The following RFPL1 variants were observed in gnomAD, a reference collection of about 807,000 sequenced individuals.
RFPL1 encodes the protein ret finger protein like 1.
RFPL1 carries 6 observed loss-of-function variants against 9.6 expected under a neutral mutation model. That is an observed-to-expected ratio of 0.62 (90% CI 0.34 to 1.23). RFPL1 has a LOEUF of 1.23. Ranked by LOEUF, RFPL1 falls within the 50% of genes most tolerant of loss-of-function variation. The pLI is 0.03. For missense variants in RFPL1, 352 were observed against 398.4 expected, an observed-to-expected ratio of 0.88 and a Z score of 0.99; for synonymous variants, 145 against 149.4, an observed-to-expected ratio of 0.97 and a Z score of 0.22.
At chr22:29,416,951 A>T in the RFPL1 span, among the ~76,000 whole-genome samples, 1 of 152,182 alleles carries the variant, frequency 6.6e-6, no homozygotes, top group African/African-American at 2.4e-5. Context: ...AAATTTGGTT[A>T]GAGATCAATT....
the RFPL1 span, among the ~76,000 whole-genome samples, chr22:29,421,801 G>C: frequency 6.6e-6 from 1 of 151,224 alleles, no homozygotes; most frequent in African/African-American, 2.4e-5. Context: ...GTCCCCCCTG[G>C]ACCCAGTACA....
At chr22:29,395,368 GT>G in the RFPL1 span, among the ~76,000 whole-genome samples, 1 of 152,236 alleles carries the variant, frequency 6.6e-6, no homozygotes, top group Admixed American at 6.5e-5. Flanking sequence ...GAGGCAGGAG[GT>G]GGCTTTGTCC....
the RFPL1 span, among the ~76,000 whole-genome samples, chr22:29,428,580 G>A: frequency 6.6e-6 from 1 of 152,142 alleles, no homozygotes; most frequent in Non-Finnish European, 1.5e-5. Context: ...TCTCCAGGAT[G>A]GACCACATGT....
At chr22:29,405,989 G>T in the RFPL1 span, among the ~76,000 whole-genome samples, 1 of 150,278 alleles carries the variant, frequency 6.7e-6, no homozygotes. Context: ...GGCGCCTGTA[G>T]TCCCAGCTAC....
the RFPL1 span, among the ~76,000 whole-genome samples, chr22:29,407,419 A>G: frequency 6.6e-6 from 1 of 151,950 alleles, no homozygotes; most frequent in Non-Finnish European, 1.5e-5. Context: ...TGGAAACACA[A>G]TTTTTAAAAT....
At chr22:29,419,853 A>G in the RFPL1 span, among the ~76,000 whole-genome samples, 1 of 151,946 alleles carries the variant, frequency 6.6e-6, no homozygotes, top group Non-Finnish European at 1.5e-5. Flanking sequence ...GCCACTCTGG[A>G]TTGAAGCAAC....
At chr22:29,437,798 G>C, upstream of RFPL1, 1 of 1,443,776 alleles carries the variant, frequency 6.9e-7, no homozygotes, top group East Asian at 2.5e-5. Flanking sequence ...TGCCTTGGGG[G>C]ATGAATGAGA....
upstream of RFPL1, among the ~76,000 whole-genome samples, chr22:29,434,001 T>TCACACACA (rs3216870): frequency 6.7e-6 from 1 of 149,016 alleles, no homozygotes; most frequent in African/African-American, 2.5e-5. Flanking sequence ...TGACACACAC[T>TCACACACA]CACACACACA....
At chr22:29,439,339 C>A in intron 1 of RFPL1, 175 bp downstream of exon 1, 3 of 1,034,666 alleles carry the variant, frequency 2.9e-6, no homozygotes, top group Non-Finnish European at 4.1e-6. Context: ...TGGTGATCTC[C>A]AAAAAAAAGG....
chr22:29,410,633 A>ATATCTATCTATATATAGATAGAT, the RFPL1 span, among the ~76,000 whole-genome samples: 4 of 96,938 alleles, frequency 4.1e-5, no homozygotes, highest in Non-Finnish European at 9.6e-5. Context: ...ATAGATAGAT[A>ATATCTATCTATATATAGATAGAT]TATTGTAGAT....
At chr22:29,395,138 G>A in the RFPL1 span, among the ~76,000 whole-genome samples, 2 of 151,962 alleles carry the variant, frequency 1.3e-5, no homozygotes, top group Middle Eastern at 3.2e-3. Flanking sequence ...TCCCCTCTGC[G>A]CCCACTAGAG....
At chr22:29,428,826 G>A in the RFPL1 span, among the ~76,000 whole-genome samples, 1 of 152,068 alleles carries the variant, frequency 6.6e-6, no homozygotes, top group South Asian at 2.1e-4. Context: ...CAAAATCTAT[G>A]GTGTATAATA....
At chr22:29,401,699 C>T in the RFPL1 span, among the ~76,000 whole-genome samples, 2 of 152,342 alleles carry the variant, frequency 1.3e-5, no homozygotes, top group Non-Finnish European at 2.9e-5. Context: ...TAATCAGCCC[C>T]ACTGCTTTCA....
At chr22:29,411,206 C>T in the RFPL1 span, among the ~76,000 whole-genome samples, 1 of 152,130 alleles carries the variant, frequency 6.6e-6, no homozygotes, top group African/African-American at 2.4e-5. Flanking sequence ...TATTTTATCT[C>T]ATGTAATTCT....
At chr22:29,390,634 C>CA in the RFPL1 span, among the ~76,000 whole-genome samples, 106 of 148,072 alleles carry the variant, frequency 7.2e-4, no homozygotes, top group African/African-American at 2.6e-3. Flanking sequence ...CTCGCTCCAT[C>CA]ACCCAGGCTG....
chr22:29,424,227 T>C, the RFPL1 span, among the ~76,000 whole-genome samples: 3 of 151,874 alleles, frequency 2.0e-5, no homozygotes, highest in African/African-American at 7.3e-5. Flanking sequence ...AGCTCCGCCA[T>C]TCATTCAACA....
chr22:29,403,729 A>G, the RFPL1 span, among the ~76,000 whole-genome samples: 1 of 152,264 alleles, frequency 6.6e-6, no homozygotes. Context: ...AATGACAACT[A>G]TACTGCAGTG....
chr22:29,404,877 C>G, the RFPL1 span, among the ~76,000 whole-genome samples: 38 of 152,262 alleles, frequency 2.5e-4, no homozygotes, highest in East Asian at 7.3e-3. Flanking sequence ...CAAGAGCTCA[C>G]TACCACACCT....
chr22:29,418,130 C>G, the RFPL1 span, among the ~76,000 whole-genome samples: 1 of 151,984 alleles, frequency 6.6e-6, no homozygotes, highest in Non-Finnish European at 1.5e-5. Context: ...GGGGTTTCAC[C>G]ATCTTGGCCA....
Sources: gnomAD v4.1 joint callset for allele counts (sites outside exome capture counted in the v4.1 genomes callset) on GRCh38, gnomAD v4.1.1 for gene constraint, MANE v1.5 for transcripts, NCBI Gene and HGNC (gene_info 2026-07-23, HGNC 2026-07-21) for gene names.